Variants in DDOST observed in about 807,000 individuals in gnomAD.
DDOST encodes the protein dolichyl-diphosphooligosaccharide--protein glycosyltransferase 48 kDa subunit.
A neutral mutation model predicts 47.6 loss-of-function variants in DDOST; 25 were observed. The ratio of observed to expected loss-of-function variants is 0.53; its 90% CI spans 0.38 to 0.73. The LOEUF (loss-of-function observed/expected upper bound fraction) is 0.73. Among genes scored for constraint, DDOST ranks in the 30% least tolerant of loss-of-function variants. The pLI is 0.00. For synonymous variants in DDOST, 275 were observed against 236.0 expected (o/e 1.17, Z -1.51); for missense variants, 526 against 573.9 (o/e 0.92, Z 0.85).
At position 20,653,718 on chromosome 1, in the gene DDOST, T is replaced by C; in HGVS notation, c.851A>G (p.Lys284Arg). The part of the protein sequence containing the change: ...LAVALSRWVF[K>R]EEGVLRVGPV... ...CCCCACACGGAGGACACCCTCCTCC[T>C]TGAACACCCAGCGGGAGAGGGCCAC... is the stretch of plus-strand genomic sequence containing the variant. Residue 284 changes from lysine (K) to arginine (R), a missense_variant, in exon 8 of 11, where the codon AAG (lysine) becomes AGG (arginine). Lys to Arg is a conservative substitution (Grantham distance 26). Coordinates refer to ENST00000602624, the MANE Select transcript of DDOST (RefSeq NM_005216.5). 1 of 1,614,106 alleles carries C rather than the reference T, an allele frequency of 6.2e-7. No individual in the cohort carries two copies.
intron 7 of DDOST, 147 bp downstream of exon 7, chr1:20,654,076 T>C: frequency 9.8e-7 from 1 of 1,024,454 alleles, no homozygotes; most frequent in South Asian, 1.7e-5. Context: ...AATATAGCAA[T>C]AAAGCCCTGA....
At chr1:20,655,171 GTT>G (rs869053335) in intron 5 of DDOST, among the ~76,000 whole-genome samples, 6 of 77,214 alleles carry the variant, frequency 7.8e-5, no homozygotes, top group African/African-American at 1.5e-4. Flanking sequence ...ACTTTTTTTT[GTT>G]TTTTTTTTTT....
At chr1:20,660,584 T>G in intron 2 of DDOST, 1 of 227,432 alleles carries the variant, frequency 4.4e-6, no homozygotes, top group Non-Finnish European at 8.7e-6. Flanking sequence ...CCCAGGAGCT[T>G]TCCATCTTTT....
chr1:20,655,183 T>G (rs879328578), intron 5 of DDOST, among the ~76,000 whole-genome samples: 7 of 149,764 alleles, frequency 4.7e-5, no homozygotes, highest in Admixed American at 1.3e-4. Context: ...TTTTTTTTTT[T>G]TTTTTTTTTT....
At chr1:20,655,922 T>C in intron 3 of DDOST, 143 bp from the exon 4 acceptor site, 2 of 824,916 alleles carry the variant, frequency 2.4e-6, no homozygotes, top group Non-Finnish European at 4.0e-6. Context: ...GATGGACCCC[T>C]GGACAGCAGT....
At chr1:20,655,865 T>C in intron 3 of DDOST, 86 bp from the exon 4 acceptor site, 1 of 1,129,494 alleles carries the variant, frequency 8.9e-7, no homozygotes, top group East Asian at 2.3e-5. Flanking sequence ...ACTCCCTCTC[T>C]GTCAGCCCCA....
intron 8 of DDOST, 50 bp from the exon 9 acceptor site, chr1:20,653,021 C>A: frequency 1.2e-6 from 2 of 1,609,342 alleles, no homozygotes; most frequent in Non-Finnish European, 8.5e-7. Context: ...TGGAGGCCTT[C>A]CACCACCTGC....
intron 4 of DDOST, 66 bp from the exon 5 acceptor site, chr1:20,655,600 C>A (rs2053363472): frequency 6.3e-7 from 1 of 1,593,570 alleles, no homozygotes; most frequent in Non-Finnish European, 8.6e-7. Context: ...AGAACCTCCT[C>A]ACACCCTCTT....
chr1:20,653,627 C>T lies in DDOST; in HGVS notation c.942G>A (p.Val314=). Residue 314 remains valine (V), a splice_region_variant and synonymous_variant, in exon 8 of 11, where the codon GTG becomes GTA. Transcript: ENST00000602624. ...CCCTCCCACCCCAAACATCTCTTAC[C>T]ACTAGGTCAGTGACAGTGTAGGCAT... ...PPNAYTVTDL[V]EYSIVIQQLS... is the part of the protein sequence containing the mutation. 1 of 1,595,224 alleles carries T rather than the reference C, an allele frequency of 6.3e-7. No homozygotes were observed.
chr1:20,655,606 C>T, intron 4 of DDOST, 70 bp downstream of exon 4: 1 of 1,595,474 alleles, frequency 6.3e-7, no homozygotes, highest in Non-Finnish European at 8.6e-7. Context: ...TCCTCACACC[C>T]TCTTGGCTTT....
chr1:20,653,139 CT>C, intron 8 of DDOST, 168 bp from the exon 9 acceptor site: 2 of 698,688 alleles, frequency 2.9e-6, no homozygotes, highest in South Asian at 3.7e-5. Flanking sequence ...TAACCAGTCT[CT>C]CTCCTCAGCA....
chr1:20,652,142 A>G lies in DDOST; in HGVS notation c.*237T>C, dbSNP rs2053297861. The G allele has an allele frequency of 2.6e-6, 1 of 389,700 alleles. No individual in the cohort carries two copies. The highest frequency in any genetic ancestry group is 4.6e-6 in the Non-Finnish European group (1 of 218,432). The allele number at this position is 389,700 out of a possible 1,614,324, so 24.1% of individuals were successfully genotyped here. A position where few individuals can be genotyped will look rare whatever the true frequency, so the allele number is the denominator to read the frequency against. On this transcript the variant is annotated 3_prime_UTR_variant, in exon 11 of 11. Coordinates refer to ENST00000602624, the MANE Select transcript of DDOST (RefSeq NM_005216.5). ...GCCTGGCCACGTCCCTATTTTAGAA[A>G]TGAGAGGAGTGACTGCACATAGGAA...
At chr1:20,657,590 G>A (rs940434725) in intron 2 of DDOST, among the ~76,000 whole-genome samples, 1 of 152,140 alleles carries the variant, frequency 6.6e-6, no homozygotes, top group East Asian at 1.9e-4. Flanking sequence ...CTGAGCAACC[G>A]GAAGGACGGA....
chr1:20,654,484 A>G, intron 6 of DDOST, 113 bp from the exon 7 acceptor site: 1 of 1,418,794 alleles, frequency 7.0e-7, no homozygotes, highest in Non-Finnish European at 9.7e-7. Flanking sequence ...CCCTACCTGA[A>G]GGGGGAGCCT....
intron 5 of DDOST, among the ~76,000 whole-genome samples, chr1:20,655,048 C>T (rs188026380): frequency 2.1e-4 from 32 of 152,004 alleles, no homozygotes; most frequent in African/African-American, 4.6e-4. Flanking sequence ...TTAGCAGAGA[C>T]GGGGTTTCAC....
intron 2 of DDOST, among the ~76,000 whole-genome samples, chr1:20,656,793 C>G (rs753651644): frequency 1.3e-5 from 2 of 152,166 alleles, no homozygotes; most frequent in Non-Finnish European, 2.9e-5. Flanking sequence ...CATTAATTTC[C>G]AACATCTGTA....
At chr1:20,654,820 C>G in intron 5 of DDOST, 113 bp from the exon 6 acceptor site, 1 of 705,090 alleles carries the variant, frequency 1.4e-6, no homozygotes, top group Non-Finnish European at 2.5e-6. Context: ...TAATTGCCAA[C>G]CACTTAGCTC....
At chr1:20,661,070 G>T in intron 1 of DDOST, 79 bp from the exon 2 acceptor site, 2 of 1,474,454 alleles carry the variant, frequency 1.4e-6, no homozygotes, top group Middle Eastern at 2.0e-4. Flanking sequence ...GGACCCGCAC[G>T]CCAAGCGGCA....
At chr1:20,661,065 C>A (rs979950154) in intron 1 of DDOST, 74 bp from the exon 2 acceptor site, 2 of 1,479,808 alleles carry the variant, frequency 1.4e-6, no homozygotes, top group African/African-American at 1.4e-5. Flanking sequence ...ATCGCGGACC[C>A]GCACGCCAAG....
Sources: allele counts gnomAD v4.1 joint callset (sites outside exome capture counted in the v4.1 genomes callset), GRCh38; gene constraint gnomAD v4.1.1; transcripts MANE v1.5; gene names NCBI Gene and HGNC (gene_info 2026-07-23, HGNC 2026-07-21).